PCGF6: variants seen among roughly 807,000 people sequenced by gnomAD.
PCGF6 encodes polycomb group ring finger 6.
In PCGF6, 24 loss-of-function variants were observed where a neutral mutation model predicts 45.5. The ratio of observed to expected loss-of-function variants is 0.53; its 90% CI spans 0.38 to 0.74. The LOEUF (loss-of-function observed/expected upper bound fraction) is 0.74, where lower values mean the gene tolerates loss of function less well. Among genes scored for constraint, PCGF6 ranks in the 30% least tolerant of loss-of-function variants. The probability of loss-of-function intolerance (pLI) is 0.00; values close to 1 mark genes in which losing one functional copy is unlikely to be tolerated. For synonymous variants in PCGF6, 152 were observed against 162.1 expected (o/e 0.94, Z 0.47); for missense variants, 356 against 443.2 (o/e 0.80, Z 1.77).
chr10:103,311,501 G>C (rs977885872), intron 9 of PCGF6, among the ~76,000 whole-genome samples: 37 of 147,478 alleles, frequency 2.5e-4, no homozygotes, highest in African/African-American at 8.5e-4. Flanking sequence ...CTGGAGTACA[G>C]AGCCACTCAT....
Position 103,347,297 on chromosome 10 carries a change from C to T in PCGF6, c.614G>A (p.Arg205Lys), listed in dbSNP as rs2093303173. 6.2e-7 allele frequency: 1 copy of T among 1,605,688 alleles called. No homozygotes were observed. Among genetic ancestry groups the T allele is most frequent in the Non-Finnish European group, 8.5e-7 (1 of 1,172,904 alleles). Reference sequence around the variant, plus strand: ...GAAATCATGCATTTGCTTTTTTTCTCCTAAAAAATGATAAAACACAGACTA... The same window carrying T: ...GAAATCATGCATTTGCTTTTTTTCTTCTAAAAAATGATAAAACACAGACTA... The part of the protein sequence containing the change: ...VYKLVINLEE[R>K]EKKQMHDFYK... The change falls in exon 5 of 10, where the codon AGA (arginine) becomes AAA (lysine). Residue 205 changes from arginine to lysine, a missense_variant and splice_region_variant. By Grantham distance (26) the Arg-to-Lys change is conservative. Coordinates refer to ENST00000369847, the MANE Select transcript of PCGF6 (RefSeq NM_001011663.2).
rs539222861 is a variant in PCGF6, at chr10:103,321,383, G to A, written c.909+5151C>T. Among the ~76,000 whole-genome samples the A allele has an allele frequency of 3.3e-5, 5 of 152,214 alleles. No individual in the cohort carries two copies. The East Asian group carries it at 9.7e-4, about 29-fold the overall frequency. On this transcript the variant is annotated intron_variant, in intron 8 of 9. Transcript: ENST00000369847. ...ATTTTTAGGTAACAAAATCAACTTA[G>A]AAGAGAAATACTGTACAAGATGGTG...
chr10:103,325,067 G>A lies in PCGF6; in HGVS notation c.909+1467C>T, dbSNP rs140474107. ...GGAGAATCGCCTGAACCCGGGGGGC[G>A]GAAGTTGCAGAGAGCCGAGATCACG... On this transcript the variant is annotated intron_variant, in intron 8 of 9. Transcript: ENST00000369847. Among the ~76,000 whole-genome samples, 718 of 151,210 alleles carry A rather than the reference G, an allele frequency of 4.7e-3. 29 individuals carry two copies. The highest frequency in any genetic ancestry group is 0.035 in the Admixed American group (532 of 15,142).
At chr10:103,308,186 G>A (rs2133553185) in intron 9 of PCGF6, among the ~76,000 whole-genome samples, 1 of 152,180 alleles carries the variant, frequency 6.6e-6, no homozygotes, top group Middle Eastern at 3.4e-3. Context: ...GTGAGAAGAG[G>A]GCCACTGTCC....
intron 6 of PCGF6, among the ~76,000 whole-genome samples, chr10:103,344,598 T>C (rs2093292772): frequency 6.6e-6 from 1 of 151,072 alleles, no homozygotes; most frequent in African/African-American, 2.4e-5. Context: ...GTTTTGCTCT[T>C]GTCGCCTAGG....
In PCGF6 at chr10:103,348,878, G is replaced by C. The variant is rs201427417; in HGVS notation, c.460+22C>G. The C allele has an allele frequency of 4.7e-4, 752 of 1,604,832 alleles. 2 individuals carry two copies. The highest frequency in any genetic ancestry group is 6.0e-4 in the Non-Finnish European group (700 of 1,173,642). ...ATTTCAAAAACTGAAAAATTATTCA[G>C]AAATGTGATCGGTATGCTTACAGGT... On this transcript the variant is annotated intron_variant, in intron 2 of 9. Coordinates refer to ENST00000369847, the MANE Select transcript of PCGF6 (RefSeq NM_001011663.2).
chr10:103,331,949 C>T (rs1415879171), intron 7 of PCGF6, among the ~76,000 whole-genome samples: 4 of 152,166 alleles, frequency 2.6e-5, no homozygotes, highest in South Asian at 2.1e-4. Context: ...CGCGCCACCG[C>T]GCCTGGCTAA....
In PCGF6 at chr10:103,334,546, CT is replaced by C. The variant is rs1242020848; in HGVS notation, c.783-595del. Among the ~76,000 whole-genome samples the C allele has an allele frequency of 5.9e-5, 9 of 152,224 alleles. No homozygotes were observed. The East Asian group carries it at 1.5e-3, about 26-fold the overall frequency. The stretch of plus-strand genomic sequence containing the variant: ...CAGCTTAGTCTAATTTCATATTTTT[CT>C]TTTAATCATAATCAATGTGATTTTC... On this transcript the variant is annotated intron_variant, in intron 6 of 9. Transcript: ENST00000369847.
At chr10:103,308,622 A>C (rs148760963) in intron 9 of PCGF6, among the ~76,000 whole-genome samples, 1 of 152,204 alleles carries the variant, frequency 6.6e-6, no homozygotes, top group East Asian at 2.0e-4. Context: ...CTGTAATCCC[A>C]GCACTTTGGA....
intron 7 of PCGF6, among the ~76,000 whole-genome samples, 190 bp downstream of exon 7, chr10:103,333,735 T>C (rs1308153134): frequency 1.8e-4 from 28 of 152,166 alleles, no homozygotes; most frequent in Admixed American, 1.8e-3. Flanking sequence ...TCACTTAATT[T>C]TCCTTAGACT....
chr10:103,317,172 G>C (rs528205072), intron 8 of PCGF6, among the ~76,000 whole-genome samples: 1 of 151,882 alleles, frequency 6.6e-6, no homozygotes, highest in Non-Finnish European at 1.5e-5. Flanking sequence ...CACCACACTC[G>C]GCTAATTTTT....
chr10:103,320,766 T>C (rs2093194335), intron 8 of PCGF6, among the ~76,000 whole-genome samples: 1 of 152,160 alleles, frequency 6.6e-6, no homozygotes, highest in South Asian at 2.1e-4. Flanking sequence ...ACAAAAAACT[T>C]TAAAGTTTAA....
intron 9 of PCGF6, among the ~76,000 whole-genome samples, chr10:103,310,417 G>C (rs958833988): frequency 6.6e-6 from 1 of 151,900 alleles, no homozygotes. Flanking sequence ...GTGAAGGAGG[G>C]GTTTGAGTTA....
intron 9 of PCGF6, among the ~76,000 whole-genome samples, chr10:103,313,339 C>G (rs1036544752): frequency 6.6e-6 from 1 of 152,076 alleles, no homozygotes; most frequent in Non-Finnish European, 1.5e-5. Context: ...CCAAGGTGGG[C>G]GGATCACTTG....
At chr10:103,349,055 T>G in intron 1 of PCGF6, 56 bp from the exon 2 acceptor site, 1 of 1,171,636 alleles carries the variant, frequency 8.5e-7, no homozygotes, top group Non-Finnish European at 1.2e-6. Context: ...TACAAATTCT[T>G]TTTTTTTTTT....
chr10:103,317,694 T>A (rs945735117), intron 8 of PCGF6, among the ~76,000 whole-genome samples: 1 of 151,476 alleles, frequency 6.6e-6, no homozygotes, highest in Non-Finnish European at 1.5e-5. Context: ...TAAAAAAAAT[T>A]GTAGAAAGTA....
chr10:103,309,360 G>A (rs1219419093), intron 9 of PCGF6, among the ~76,000 whole-genome samples: 1 of 152,096 alleles, frequency 6.6e-6, no homozygotes, highest in Non-Finnish European at 1.5e-5. Context: ...TTTCCCTTTG[G>A]TAATGTCCTC....
rs372664700 is a variant in PCGF6 at position 103,345,096 on chromosome 10, G to T, written c.710C>A (p.Ser237Tyr). ...AAACACTGATTCTAGGACTTTTTTA[G>T]ATCTTCCTTTGCTTGAAGGGACTGG... The part of the protein sequence containing the change: ...PQPVPSSKGR[S>Y]KKVLESVFRI... The change falls in exon 6 of 10, where the codon TCT becomes TAT. Residue 237 changes from serine to tyrosine, a missense_variant. Physicochemically the swap from Ser to Tyr is moderately radical, Grantham distance 144. Transcript: ENST00000369847. 60 of 1,612,880 alleles carry T rather than the reference G, an allele frequency of 3.7e-5. No homozygotes were observed. The highest frequency in any genetic ancestry group is 1.6e-4 in the Middle Eastern group (1 of 6,078).
intron 8 of PCGF6, among the ~76,000 whole-genome samples, chr10:103,320,768 AAAGTTT>A (rs1345939479): frequency 6.6e-6 from 1 of 152,214 alleles, no homozygotes; most frequent in Non-Finnish European, 1.5e-5. Flanking sequence ...AAAAAACTTT[AAAGTTT>A]AACAGTCCCG....
Sources: allele counts gnomAD v4.1 joint callset (sites outside exome capture counted in the v4.1 genomes callset), GRCh38; gene constraint gnomAD v4.1.1; transcripts MANE v1.5; gene names NCBI Gene and HGNC (gene_info 2026-07-23, HGNC 2026-07-21).